The following RFTN2 variants were observed in gnomAD, a reference collection of about 807,000 sequenced individuals.
RFTN2 encodes raftlin family member 2, also known as raftlin-2.
RFTN2 carries 34 observed loss-of-function variants against 52.7 expected under a neutral mutation model. That is an observed-to-expected ratio of 0.64 (90% CI 0.49 to 0.86). RFTN2 has a LOEUF of 0.86. Ranked by LOEUF, RFTN2 falls within the 40% of genes least tolerant of loss-of-function variation. RFTN2 has a pLI of 0.00. For synonymous variants in RFTN2, 203 were observed against 217.7 expected, an observed-to-expected ratio of 0.93 and a Z score of 0.59; for missense variants, 536 against 600.1, an observed-to-expected ratio of 0.89 and a Z score of 1.12.
At chr2:197,612,294 T>C (rs987964915) in intron 7 of RFTN2, among the ~76,000 whole-genome samples, 1 of 152,166 alleles carries the variant, frequency 6.6e-6, no homozygotes, top group Non-Finnish European at 1.5e-5. Flanking sequence ...TTACCCTCAC[T>C]TTCTCTCTCT....
intron 3 of RFTN2, among the ~76,000 whole-genome samples, chr2:197,641,759 G>A (rs917499039): frequency 3.3e-5 from 5 of 152,154 alleles, no homozygotes; most frequent in Admixed American, 6.5e-5. Context: ...CAAGGCAGCC[G>A]CTCAAAAATA....
chr2:197,601,042 C>G (rs1045230170), intron 7 of RFTN2, among the ~76,000 whole-genome samples: 1 of 152,088 alleles, frequency 6.6e-6, no homozygotes, highest in Admixed American at 6.5e-5. Context: ...GTGGTCAGCA[C>G]GAGGGCACAG....
At chr2:197,576,962 A>G (rs2087429709) in intron 8 of RFTN2, among the ~76,000 whole-genome samples, 1 of 152,206 alleles carries the variant, frequency 6.6e-6, no homozygotes, top group Non-Finnish European at 1.5e-5. Flanking sequence ...ATTCTATTCA[A>G]ATTTACCCCT....
intron 1 of RFTN2, among the ~76,000 whole-genome samples, chr2:197,661,434 G>T (rs2088975544): frequency 6.6e-6 from 1 of 151,744 alleles, no homozygotes; most frequent in Non-Finnish European, 1.5e-5. Context: ...TTTTTGTAGA[G>T]ATGAGGTCTC....
At chr2:197,613,563 G>A (rs1006975820) in intron 7 of RFTN2, among the ~76,000 whole-genome samples, 1 of 152,150 alleles carries the variant, frequency 6.6e-6, no homozygotes, top group Admixed American at 6.5e-5. Flanking sequence ...TTCTTTATTT[G>A]TAAAGATGAC....
chr2:197,636,396 G>C (rs2088567128), intron 3 of RFTN2, among the ~76,000 whole-genome samples: 2 of 139,512 alleles, frequency 1.4e-5, no homozygotes, highest in African/African-American at 5.5e-5. Flanking sequence ...CCATTTGTTT[G>C]TATACTCTTT....
At chr2:197,579,285 C>T (rs969133305) in intron 8 of RFTN2, among the ~76,000 whole-genome samples, 11 of 152,134 alleles carry the variant, frequency 7.2e-5, no homozygotes, top group South Asian at 2.1e-4. Flanking sequence ...CAATTGCCCC[C>T]GACCCCTTCT....
At chr2:197,640,461 G>A (rs1422660035) in intron 3 of RFTN2, among the ~76,000 whole-genome samples, 2 of 152,246 alleles carry the variant, frequency 1.3e-5, no homozygotes, top group Non-Finnish European at 2.9e-5. Context: ...AAGCCGGTCC[G>A]AAAAGCGCAA....
rs1490941791 is a variant in RFTN2, at chr2:197,639,057, G to C, written c.439-5060C>G. Among the ~76,000 whole-genome samples, 23 of 140,410 alleles carry C rather than the reference G, an allele frequency of 1.6e-4. 1 individual carries two copies. Among genetic ancestry groups the C allele is most frequent in the Admixed American group, 2.9e-4 (4 of 13,762 alleles). The allele number at this position is 140,410 out of a possible 152,430, so 92.1% of individuals were successfully genotyped here. A position where few individuals can be genotyped will look rare whatever the true frequency, so the allele number is the denominator to read the frequency against. ...GAAAATTCTTTTCTTTAAGAATGTT[G>C]AATATTGGCCCCCACTCTCTTCTGG... On this transcript the variant is annotated intron_variant, in intron 3 of 8. Transcript: ENST00000295049.
chr2:197,649,370 T>C (rs1355129622), intron 1 of RFTN2, among the ~76,000 whole-genome samples: 3 of 152,174 alleles, frequency 2.0e-5, no homozygotes, highest in African/African-American at 7.2e-5. Context: ...GAAAAAGCCA[T>C]GTTGCAAATG....
chr2:197,674,767 AG>A (rs1300555605), intron 1 of RFTN2, among the ~76,000 whole-genome samples: 1 of 152,058 alleles, frequency 6.6e-6, no homozygotes, highest in Non-Finnish European at 1.5e-5. Context: ...CACTGAGCAA[AG>A]GAAGTGTCTT....
At chr2:197,607,610 C>A (rs116386838) in intron 7 of RFTN2, among the ~76,000 whole-genome samples, 1 of 151,932 alleles carries the variant, frequency 6.6e-6, no homozygotes, top group Non-Finnish European at 1.5e-5. Flanking sequence ...AATTAATTGT[C>A]GTGGCTTAAC....
chr2:197,674,339 C>CAAAAAAAAAAAA (rs1222944678), intron 1 of RFTN2, among the ~76,000 whole-genome samples: 74 of 34,206 alleles, frequency 2.2e-3, no homozygotes, highest in African/African-American at 3.3e-3. Context: ...TAGAGCAAAG[C>CAAAAAAAAAAAA]AAAAAAAAAA....
chr2:197,616,304 A>ATTTTT (rs2088143513), intron 6 of RFTN2, among the ~76,000 whole-genome samples: 1 of 77,518 alleles, frequency 1.3e-5, no homozygotes, highest in African/African-American at 5.6e-5. Flanking sequence ...ATTTTATTTT[A>ATTTTT]TTTTAAAGAG....
chr2:197,635,725 G>A (rs1237346241), intron 3 of RFTN2, among the ~76,000 whole-genome samples: 3 of 148,884 alleles, frequency 2.0e-5, no homozygotes, highest in Non-Finnish European at 3.0e-5. Context: ...TTGCTGTGCA[G>A]AAGCTCTTTA....
At chr2:197,594,914 A>G (rs973906299) in intron 8 of RFTN2, among the ~76,000 whole-genome samples, 3 of 152,260 alleles carry the variant, frequency 2.0e-5, no homozygotes, top group Non-Finnish European at 4.4e-5. Context: ...TTTAAAATGT[A>G]CTAAACAATG....
At chr2:197,581,043 A>G (rs955292511) in intron 8 of RFTN2, among the ~76,000 whole-genome samples, 12 of 151,972 alleles carry the variant, frequency 7.9e-5, no homozygotes, top group Non-Finnish European at 1.5e-4. Context: ...CTGGCAACCA[A>G]TCACACACTT....
intron 7 of RFTN2, among the ~76,000 whole-genome samples, chr2:197,599,468 A>G (rs1024857779): frequency 2.6e-5 from 4 of 152,162 alleles, no homozygotes; most frequent in Non-Finnish European, 4.4e-5. Context: ...AAATTATGAA[A>G]GAGTATCTCT....
At position 197,571,762 on chromosome 2, in the gene RFTN2, A is replaced by G. The variant is rs1489316201; in HGVS notation, c.*246T>C. Reference sequence around the variant, plus strand: ...AAATAGATTATTGTGTAATAACCGAATGGAACATCTGTTTAACCAGATGTT... The same window carrying G: ...AAATAGATTATTGTGTAATAACCGAGTGGAACATCTGTTTAACCAGATGTT... On this transcript the variant is annotated 3_prime_UTR_variant, in exon 9 of 9. Coordinates refer to ENST00000295049, the MANE Select transcript of RFTN2 (RefSeq NM_144629.3). 1.9e-6 allele frequency: 1 copy of G among 516,554 alleles called. No homozygotes were observed. Among genetic ancestry groups the G allele is most frequent in the Non-Finnish European group, 3.4e-6 (1 of 290,050 alleles). 32.0% of individuals were successfully genotyped at this position (516,554 alleles called of 1,614,324 possible).
Sources: gnomAD v4.1 joint callset for allele counts (sites outside exome capture counted in the v4.1 genomes callset) on GRCh38, gnomAD v4.1.1 for gene constraint, MANE v1.5 for transcripts, NCBI Gene and HGNC (gene_info 2026-07-23, HGNC 2026-07-21) for gene names.